EPB41L4B: variants seen among roughly 807,000 people sequenced by gnomAD.
EPB41L4B encodes band 4.1-like protein 4B.
In EPB41L4B, 30 loss-of-function variants were observed where a neutral mutation model predicts 112.5. The ratio of observed to expected loss-of-function variants is 0.27; its 90% CI spans 0.20 to 0.36. The LOEUF (loss-of-function observed/expected upper bound fraction) is 0.36, where lower values mean the gene tolerates loss of function less well. EPB41L4B is among the 10% of genes least tolerant of loss of function. EPB41L4B has a pLI of 1.00. For synonymous variants in EPB41L4B, 408 were observed against 439.7 expected, an observed-to-expected ratio of 0.93 and a Z score of 0.90; for missense variants, 1,024 against 1,133.3, an observed-to-expected ratio of 0.90 and a Z score of 1.38.
chr9:109,288,369 G>A lies in EPB41L4B; in HGVS notation c.307-8448C>T, dbSNP rs371669799. ...AGGCCAAGGCAGGAGGTTCGCTTGAGTCCAGGAGTTCCAGACCAACCTGGG... is the reference window on the plus strand; with the variant it reads ...AGGCCAAGGCAGGAGGTTCGCTTGAATCCAGGAGTTCCAGACCAACCTGGG... On this transcript the variant is annotated intron_variant, in intron 1 of 25. Transcript: ENST00000374566. 2.8e-4 allele frequency among the ~76,000 whole-genome samples: 42 copies of A among 152,146 alleles called. No homozygotes were observed. The South Asian group carries it at 4.4e-3, about 16-fold the overall frequency.
chr9:109,260,069 T>TTTTTC (rs948882961), intron 6 of EPB41L4B, among the ~76,000 whole-genome samples: 8 of 152,046 alleles, frequency 5.3e-5, no homozygotes, highest in Non-Finnish European at 7.4e-5. Context: ...ATCTTCAGTG[T>TTTTTC]TTTTCTTTTC....
chr9:109,234,791 G>A (rs1355483540), intron 15 of EPB41L4B, among the ~76,000 whole-genome samples: 1 of 152,222 alleles, frequency 6.6e-6, no homozygotes, highest in Non-Finnish European at 1.5e-5. Flanking sequence ...CCCGGAGGTG[G>A]AGGCTGCAGT....
At chr9:109,179,391 A>G (rs1204214082) in intron 24 of EPB41L4B, among the ~76,000 whole-genome samples, 2 of 152,222 alleles carry the variant, frequency 1.3e-5, no homozygotes, top group African/African-American at 2.4e-5. Flanking sequence ...TTCAAGTGTC[A>G]TGATCTTGGC....
chr9:109,304,745 C>A (rs1837104572), intron 1 of EPB41L4B, among the ~76,000 whole-genome samples: 1 of 152,114 alleles, frequency 6.6e-6, no homozygotes, highest in Non-Finnish European at 1.5e-5. Flanking sequence ...AATGGTCAAT[C>A]CACTTTGAAA....
At chr9:109,190,138 T>G (rs1269746273) in intron 22 of EPB41L4B, among the ~76,000 whole-genome samples, 2 of 152,110 alleles carry the variant, frequency 1.3e-5, no homozygotes, top group African/African-American at 2.4e-5. Context: ...GGTGGAACGT[T>G]GCTGAATGAA....
chr9:109,208,616 T>C (rs557985686), intron 17 of EPB41L4B, among the ~76,000 whole-genome samples: 1 of 152,370 alleles, frequency 6.6e-6, no homozygotes, highest in South Asian at 2.1e-4. Context: ...CATGTATCTA[T>C]AATTCATGTG....
chr9:109,182,488 G>A (rs1043156193), intron 24 of EPB41L4B, among the ~76,000 whole-genome samples: 4 of 152,102 alleles, frequency 2.6e-5, no homozygotes, highest in Non-Finnish European at 4.4e-5. Context: ...TGATAGAAGT[G>A]GTCACTGCAC....
chr9:109,312,462 C>G (rs1837451706), intron 1 of EPB41L4B, among the ~76,000 whole-genome samples: 1 of 152,108 alleles, frequency 6.6e-6, no homozygotes, highest in Non-Finnish European at 1.5e-5. Flanking sequence ...TTTGGGGGCT[C>G]AGGGGTCGCC....
At chr9:109,307,841 C>G (rs920139562) in intron 1 of EPB41L4B, among the ~76,000 whole-genome samples, 1 of 152,098 alleles carries the variant, frequency 6.6e-6, no homozygotes, top group African/African-American at 2.4e-5. Flanking sequence ...ATGGCAGAGT[C>G]TCAGAGGGGC....
chr9:109,235,413 T>TTTTAGA (rs1162392957), intron 15 of EPB41L4B, among the ~76,000 whole-genome samples: 1 of 148,440 alleles, frequency 6.7e-6, no homozygotes, highest in Non-Finnish European at 1.5e-5. Flanking sequence ...TTTTTTTTTT[T>TTTTAGA]TAGATAGAGT....
intron 13 of EPB41L4B, 24 bp downstream of exon 13, chr9:109,251,457 G>A (rs1471186654): frequency 1.2e-6 from 2 of 1,609,310 alleles, no homozygotes. Context: ...GGAGAGCTGT[G>A]CTCTAGAGCT....
intron 2 of EPB41L4B, among the ~76,000 whole-genome samples, chr9:109,272,104 A>C (rs757760274): frequency 1.3e-5 from 2 of 152,170 alleles, no homozygotes; most frequent in Non-Finnish European, 2.9e-5. Context: ...TTCACCATTA[A>C]GTCTGAGTGA....
At chr9:109,215,769 C>A (rs4978783) in intron 16 of EPB41L4B, among the ~76,000 whole-genome samples, 125,338 of 152,202 alleles carry the variant, frequency 0.82, 52,184 homozygotes, top group African/African-American at 0.95. Context: ...ACGGACATGC[C>A]GAATCAAAGC....
At chr9:109,250,355 C>T (rs1044164186) in intron 13 of EPB41L4B, among the ~76,000 whole-genome samples, 1 of 152,122 alleles carries the variant, frequency 6.6e-6, no homozygotes, top group African/African-American at 2.4e-5. Context: ...CCCCGTGCCA[C>T]GTTTTGCCAA....
chr9:109,227,532 A>G (rs73654235), intron 15 of EPB41L4B, among the ~76,000 whole-genome samples: 2,914 of 151,950 alleles, frequency 0.019, 94 homozygotes, highest in African/African-American at 0.066. Flanking sequence ...ATTCCTAGGT[A>G]TTTTTCAATT....
chr9:109,281,713 TAAATAAATA>T (rs1564317160), intron 1 of EPB41L4B, among the ~76,000 whole-genome samples: 27 of 131,404 alleles, frequency 2.1e-4, no homozygotes, highest in African/African-American at 7.8e-4. Flanking sequence ...AATAAATAAA[TAAATAAATA>T]AATTAATTAA....
rs540902805 is a variant in EPB41L4B, at chr9:109,224,284, C to A, written c.1410-7139G>T. ...TCATAAGAGCCAACAGGTAGAAACA[C>A]CCCAAATATCCATCAACTGATGAAT... is the stretch of plus-strand genomic sequence containing the variant. On this transcript the variant is annotated intron_variant, in intron 15 of 25. Coordinates refer to ENST00000374566, the MANE Select transcript of EPB41L4B (RefSeq NM_019114.5). Among the ~76,000 whole-genome samples the A allele has an allele frequency of 5.3e-5, 8 of 152,216 alleles. No individual in the cohort carries two copies. In the East Asian group the frequency reaches 1.4e-3, roughly 26 times the overall value.
chr9:109,294,200 G>A (rs1350444165), intron 1 of EPB41L4B, among the ~76,000 whole-genome samples: 1 of 151,886 alleles, frequency 6.6e-6, no homozygotes, highest in Non-Finnish European at 1.5e-5. Flanking sequence ...AGCTACTCGG[G>A]AGGCTGAGGC....
chr9:109,302,843 G>A (rs1419792841), intron 1 of EPB41L4B, among the ~76,000 whole-genome samples: 1 of 152,122 alleles, frequency 6.6e-6, no homozygotes, highest in Non-Finnish European at 1.5e-5. Context: ...TTCCCATGAA[G>A]AGAACCAGAT....
Sources: gnomAD v4.1 joint callset for allele counts (sites outside exome capture counted in the v4.1 genomes callset) on GRCh38, gnomAD v4.1.1 for gene constraint, MANE v1.5 for transcripts, NCBI Gene and HGNC (gene_info 2026-07-23, HGNC 2026-07-21) for gene names.